MBD5: variants seen among roughly 807,000 people sequenced by gnomAD.
MBD5 encodes the protein methyl-CpG binding domain protein 5, also known as methyl-CpG-binding domain protein 5.
A neutral mutation model predicts 117.3 loss-of-function variants in MBD5; 13 were observed. That is an observed-to-expected ratio of 0.11 (90% CI 0.07 to 0.18). The LOEUF (loss-of-function observed/expected upper bound fraction) is 0.18. MBD5 is among the 10% of genes least tolerant of loss of function. MBD5 has a pLI of 1.00. For missense variants in MBD5, 1,879 were observed against 2,093.8 expected (o/e 0.90, Z 2.00); for synonymous variants, 727 against 766.4 (o/e 0.95, Z 0.85).
At chr2:148,510,876 A>G (rs188768807) in intron 13 of MBD5, among the ~76,000 whole-genome samples, 2 of 152,218 alleles carry the variant, frequency 1.3e-5, no homozygotes, top group African/African-American at 2.4e-5. Context: ...TGATAAAATT[A>G]TAGGAAAGAT....
intron 4 of MBD5, among the ~76,000 whole-genome samples, chr2:148,426,075 C>T (rs893749577): frequency 1.5e-4 from 23 of 152,098 alleles, no homozygotes; most frequent in Admixed American, 1.3e-3. Flanking sequence ...AATAAAATAC[C>T]TAGGAATCCA....
chr2:148,490,675 T>G, intron 11 of MBD5, 81 bp downstream of exon 11: 2 of 1,553,118 alleles, frequency 1.3e-6, no homozygotes, highest in Non-Finnish European at 1.8e-6. Context: ...TCACTTTGGA[T>G]TCTTTGGATT....
intron 3 of MBD5, among the ~76,000 whole-genome samples, chr2:148,326,460 T>C (rs1304068057): frequency 6.6e-5 from 10 of 152,152 alleles, no homozygotes; most frequent in South Asian, 4.1e-4. Flanking sequence ...ATTATTAATG[T>C]GTGGGAGTCT....
At chr2:148,271,496 C>A (rs1700985988) in intron 3 of MBD5, among the ~76,000 whole-genome samples, 1 of 152,130 alleles carries the variant, frequency 6.6e-6, no homozygotes, top group South Asian at 2.1e-4. Flanking sequence ...GCTTTTATTT[C>A]ATATTTCAGC....
intron 3 of MBD5, among the ~76,000 whole-genome samples, chr2:148,258,456 CA>C (rs1168669241): frequency 6.6e-6 from 1 of 152,166 alleles, no homozygotes; most frequent in Non-Finnish European, 1.5e-5. Flanking sequence ...CACCTGCACC[CA>C]CCGTACATTG....
intron 4 of MBD5, among the ~76,000 whole-genome samples, chr2:148,432,691 A>G (rs1369457834): frequency 6.6e-6 from 1 of 151,884 alleles, no homozygotes; most frequent in Non-Finnish European, 1.5e-5. Context: ...GTGCAGCTTT[A>G]TTTCTGGGCC....
intron 4 of MBD5, among the ~76,000 whole-genome samples, chr2:148,351,502 A>G (rs1250685780): frequency 2.6e-5 from 4 of 152,054 alleles, no homozygotes; most frequent in African/African-American, 9.7e-5. Context: ...TTATTTATCC[A>G]TTCATCAGCT....
intron 3 of MBD5, among the ~76,000 whole-genome samples, chr2:148,240,849 T>C (rs1250590362): frequency 6.6e-6 from 1 of 152,196 alleles, no homozygotes; most frequent in Non-Finnish European, 1.5e-5. Context: ...TTTCATAATT[T>C]GCATGTGATG....
Position 148,141,990 on chromosome 2 carries a change from T to G in MBD5, c.-924-36710T>G, listed in dbSNP as rs564973298. Reference sequence around the variant, plus strand: ...GGCACTGTCTCAATAATAATAATAATAAATAAAATACTTTGGAAACTTAAA... The same window carrying G: ...GGCACTGTCTCAATAATAATAATAAGAAATAAAATACTTTGGAAACTTAAA... On this transcript the variant is annotated intron_variant, in intron 1 of 13. Coordinates refer to ENST00000642680, the MANE Select transcript of MBD5 (RefSeq NM_001378120.1). Among the ~76,000 whole-genome samples the G allele has an allele frequency of 4.0e-5, 6 of 151,290 alleles. No individual in the cohort carries two copies. The South Asian group carries it at 1.0e-3, about 26-fold the overall frequency.
At chr2:148,100,182 C>T (rs534548934) in intron 1 of MBD5, among the ~76,000 whole-genome samples, 8 of 152,180 alleles carry the variant, frequency 5.3e-5, no homozygotes, top group African/African-American at 1.9e-4. Context: ...TGTTGGGTCA[C>T]TGGGGAGGAA....
chr2:148,086,697 G>T (rs558847355), intron 1 of MBD5, among the ~76,000 whole-genome samples: 7 of 152,254 alleles, frequency 4.6e-5, no homozygotes, highest in African/African-American at 1.7e-4. Flanking sequence ...CAGAATAGGG[G>T]TGGGATTCTT....
chr2:148,437,146 T>A (rs1321876302), intron 4 of MBD5, among the ~76,000 whole-genome samples: 3 of 151,456 alleles, frequency 2.0e-5, no homozygotes, highest in Non-Finnish European at 4.4e-5. Flanking sequence ...CGCGCCTGGC[T>A]AATTTTTTGT....
At chr2:148,063,885 C>T (rs1293341258) in intron 1 of MBD5, among the ~76,000 whole-genome samples, 1 of 151,950 alleles carries the variant, frequency 6.6e-6, no homozygotes. Context: ...CTTTTTAGTC[C>T]AGTAATCACG....
At position 148,397,520 on chromosome 2, in the gene MBD5, AG is replaced by A. The variant is rs1704759898; in HGVS notation, c.-557+55187del. ...AATTTTTTTATTTTTTACTAGAGAC[AG>A]GGTTTCACCATGTTAGCCAGTATGG... is the stretch of plus-strand genomic sequence containing the variant. On this transcript the variant is annotated intron_variant, in intron 4 of 13. Coordinates refer to ENST00000642680, the MANE Select transcript of MBD5 (RefSeq NM_001378120.1). 3.3e-5 allele frequency among the ~76,000 whole-genome samples: 5 copies of A among 152,032 alleles called. No homozygotes were observed. The South Asian group carries it at 8.3e-4, about 25-fold the overall frequency.
intron 1 of MBD5, among the ~76,000 whole-genome samples, chr2:148,039,390 C>T (rs969766230): frequency 6.6e-6 from 1 of 151,930 alleles, no homozygotes; most frequent in African/African-American, 2.4e-5. Flanking sequence ...ATGCAAAGTT[C>T]GTAAAGTAAA....
chr2:148,074,321 T>C (rs187724319), intron 1 of MBD5, among the ~76,000 whole-genome samples: 41 of 152,316 alleles, frequency 2.7e-4, no homozygotes, highest in African/African-American at 8.9e-4. Flanking sequence ...TAAAACTCTA[T>C]CATATTTAGC....
At chr2:148,466,029 G>C (rs770772073) in intron 7 of MBD5, among the ~76,000 whole-genome samples, 13 of 151,994 alleles carry the variant, frequency 8.6e-5, no homozygotes, top group Non-Finnish European at 1.3e-4. Flanking sequence ...GTAGTAATAG[G>C]TACACCTCCA....
chr2:148,401,892 A>T (rs1036168079), intron 4 of MBD5, among the ~76,000 whole-genome samples: 1 of 151,996 alleles, frequency 6.6e-6, no homozygotes. Context: ...TACTTTCATG[A>T]CCTTGACACT....
In MBD5 at chr2:148,483,315, C is replaced by A. The variant is rs779824788; in HGVS notation, c.2724C>A (p.Asn908Lys). The change falls in exon 9 of 14, where the codon AAC becomes AAA. Residue 908 changes from asparagine to lysine, a missense_variant. Physicochemically the swap from Asn to Lys is moderately conservative, Grantham distance 94. Transcript: ENST00000642680. ...TTCCATCCAACAGCACTTCAAACAA[C>A]CATCTTCCACACCCCTTGAACCCCA... ...LHFPSNSTSNNHLPHPLNPSL... is the reference protein window; with the variant it reads ...LHFPSNSTSNKHLPHPLNPSL... 6.2e-7 allele frequency: 1 copy of A among 1,614,118 alleles called. No individual in the cohort carries two copies. Among genetic ancestry groups the A allele is most frequent in the East Asian group, 2.2e-5 (1 of 44,874 alleles).
Sources: gnomAD v4.1 joint callset for allele counts (sites outside exome capture counted in the v4.1 genomes callset) on GRCh38, gnomAD v4.1.1 for gene constraint, MANE v1.5 for transcripts, NCBI Gene and HGNC (gene_info 2026-07-23, HGNC 2026-07-21) for gene names.